Variants in RAD50 observed in about 807,000 individuals in gnomAD.
RAD50 encodes RAD50 double strand break repair protein, also known as DNA repair protein RAD50.
RAD50 carries 132 observed loss-of-function variants against 168.8 expected under a neutral mutation model. The observed-to-expected ratio is 0.78, with a 90% CI of 0.68 to 0.90. The LOEUF is 0.90. Ranked by LOEUF, RAD50 falls within the 40% of genes least tolerant of loss-of-function variation. The probability of loss-of-function intolerance (pLI) is 0.00; values close to 1 mark genes in which losing one functional copy is unlikely to be tolerated. For synonymous variants in RAD50, 525 were observed against 497.4 expected (o/e 1.06, Z -0.74); for missense variants, 1,347 against 1,534.4 (o/e 0.88, Z 2.04).
In RAD50 at chr5:132,589,802, A is replaced by G. The variant is rs1217523555; in HGVS notation, c.1417A>G (p.Arg473Gly). 2 of 1,613,666 alleles carry G rather than the reference A, an allele frequency of 1.2e-6. No homozygotes were observed. Among genetic ancestry groups the G allele is most frequent in the Admixed American group, 1.7e-5 (1 of 60,020 alleles). The change falls in exon 9 of 25, where the codon AGG becomes GGG. Residue 473 changes from arginine (R) to glycine (G), a missense_variant. Arg to Gly is a moderately radical substitution (Grantham distance 125). Coordinates refer to ENST00000378823, the MANE Select transcript of RAD50 (RefSeq NM_005732.4). The part of the protein sequence containing the change: ...ELQQLEGSSD[R>G]ILELDQELIK... ...ACAGCAGTTGGAAGGATCTTCAGAC[A>G]GGATTCTTGAACTGGACCAGGAGCT...
At chr5:132,598,050 CCTT>C (rs1226960779) in intron 13 of RAD50, among the ~76,000 whole-genome samples, 1 of 145,280 alleles carries the variant, frequency 6.9e-6, no homozygotes, top group Non-Finnish European at 1.5e-5. Flanking sequence ...TATCACGGCT[CCTT>C]TTTTTTTTTT....
At chr5:132,560,427 T>G (rs1418071679) in intron 2 of RAD50, among the ~76,000 whole-genome samples, 1 of 152,174 alleles carries the variant, frequency 6.6e-6, no homozygotes, top group African/African-American at 2.4e-5. Context: ...AGAAATGTAA[T>G]AGTATTTAGT....
chr5:132,600,728 C>A (rs767731823), intron 13 of RAD50, among the ~76,000 whole-genome samples: 14 of 151,862 alleles, frequency 9.2e-5, no homozygotes, highest in Non-Finnish European at 1.9e-4. Context: ...ACACACAATC[C>A]CCTTAGAAAA....
rs1240943741 is a variant in RAD50, at chr5:132,642,962, A to AAGTC, written c.*602_*605dup. The AAGTC allele has an allele frequency of 2.0e-6, 1 of 510,060 alleles. No individual in the cohort carries two copies. Among genetic ancestry groups the AAGTC allele is most frequent in the Non-Finnish European group, 4.0e-6 (1 of 249,520 alleles). 31.6% of individuals were successfully genotyped at this position (510,060 alleles called of 1,614,324 possible). A position where few individuals can be genotyped will look rare whatever the true frequency, so the allele number is the denominator to read the frequency against. On this transcript the variant is annotated 3_prime_UTR_variant, in exon 25 of 25. Coordinates refer to ENST00000378823, the MANE Select transcript of RAD50 (RefSeq NM_005732.4). The stretch of plus-strand genomic sequence containing the variant: ...TGACAGGAACCTTAAGTAATCATCT[A>AAGTC]AGTCAGTACCCACCACCTTCTTCTC...
intron 9 of RAD50, 58 bp from the exon 10 acceptor site, chr5:132,591,166 A>T (rs1184059020): frequency 6.7e-7 from 1 of 1,490,876 alleles, no homozygotes; most frequent in East Asian, 2.3e-5. Flanking sequence ...CTTTGTCATT[A>T]TTTTAATTCT....
rs1395422701 is a variant in RAD50, at chr5:132,609,382, A to G, written c.3022A>G (p.Ile1008Val). The G allele has an allele frequency of 1.2e-6, 2 of 1,613,730 alleles. No homozygotes were observed. Among genetic ancestry groups the G allele is most frequent in the Admixed American group, 1.7e-5 (1 of 60,012 alleles). The stretch of plus-strand genomic sequence containing the variant: ...AGATATGAGACTCATGAGACAAGAT[A>G]TTGATACACAGAAGGTAGGTCTGTT... ...NEDMRLMRQD[I>V]DTQKIQERWL... is the part of the protein sequence containing the mutation. Residue 1008 changes from isoleucine (I) to valine (V), a missense_variant, in exon 19 of 25, where the codon ATT becomes GTT. Ile to Val is a conservative substitution (Grantham distance 29, BLOSUM62 3). Around this residue, in one of 3 missense-constraint regions of RAD50, gnomAD observed 635 missense variants for 739.2 expected, o/e 0.86. Transcript: ENST00000378823.
At position 132,557,149 on chromosome 5, in the gene RAD50, CCT is replaced by C; in HGVS notation, c.-170_-169del. 1 of 872,384 alleles carries C rather than the reference CCT, an allele frequency of 1.1e-6. No homozygotes were observed. Among genetic ancestry groups the C allele is most frequent in the Non-Finnish European group, 1.8e-6 (1 of 548,844 alleles). The allele number at this position is 872,384 out of a possible 1,614,324, so 54.0% of individuals were successfully genotyped here. On this transcript the variant is annotated 5_prime_UTR_variant, in exon 1 of 25. Coordinates refer to ENST00000378823, the MANE Select transcript of RAD50 (RefSeq NM_005732.4). ...GGAGGAAAGGCTCCATCCCCCGCCC[CCT>C]CTCTCCCGCTGTTGGCTGGCAGGAT... is the stretch of plus-strand genomic sequence containing the variant.
intron 21 of RAD50, among the ~76,000 whole-genome samples, chr5:132,626,995 C>T (rs142255732): frequency 6.7e-4 from 102 of 152,230 alleles, no homozygotes; most frequent in African/African-American, 2.3e-3. Context: ...ATTCTCATGC[C>T]TCAGCCTTCT....
At position 132,609,383 on chromosome 5, in the gene RAD50, T is replaced by C. The variant is rs1333538778; in HGVS notation, c.3023T>C (p.Ile1008Thr). Residue 1008 changes from isoleucine (I) to threonine (T), a missense_variant, in exon 19 of 25, where the codon ATT becomes ACT. This residue lies in a region of RAD50 where 635 missense variants were observed against 739.2 expected (regional missense o/e 0.86). Coordinates refer to ENST00000378823, the MANE Select transcript of RAD50 (RefSeq NM_005732.4). ...GATATGAGACTCATGAGACAAGATA[T>C]TGATACACAGAAGGTAGGTCTGTTT... The part of the protein sequence containing the change: ...NEDMRLMRQD[I>T]DTQKIQERWL... The C allele has an allele frequency of 2.5e-6, 4 of 1,613,678 alleles. No homozygotes were observed. Among genetic ancestry groups the C allele is most frequent in the Non-Finnish European group, 2.5e-6 (3 of 1,179,824 alleles).
In RAD50 at chr5:132,642,168, A is replaced by G. The variant is rs759837235; in HGVS notation, c.3753-10A>G. ...TTTACTAATAATATGTTCTGAATAT[A>G]TTGTTGCAGGATAATAAAAAGTCGC... On this transcript the variant is annotated splice_polypyrimidine_tract_variant and intron_variant, in intron 24 of 24. Coordinates refer to ENST00000378823, the MANE Select transcript of RAD50 (RefSeq NM_005732.4). 4.3e-6 allele frequency: 7 copies of G among 1,611,646 alleles called. No individual in the cohort carries two copies. The African/African-American group carries it at 9.3e-5, about 22-fold the overall frequency.
intron 21 of RAD50, among the ~76,000 whole-genome samples, chr5:132,619,885 T>TAGAG (rs1156724146): frequency 1.0e-3 from 122 of 121,214 alleles, no homozygotes; most frequent in African/African-American, 4.1e-3. Flanking sequence ...TATATATATA[T>TAGAG]AGAGAGAGAG....
At chr5:132,622,135 C>G (rs530901427) in intron 21 of RAD50, among the ~76,000 whole-genome samples, 1 of 151,428 alleles carries the variant, frequency 6.6e-6, no homozygotes, top group South Asian at 2.1e-4. Context: ...CTATTTTGTT[C>G]TTTTTCAGAA....
chr5:132,629,156 TC>T lies in RAD50; in HGVS notation c.3390-7956del, dbSNP rs1246299944. The stretch of plus-strand genomic sequence containing the variant: ...AACCAGTGGCAGCAGGAATAAGAAT[TC>T]CCTTCACTTCCAAGATTAGGCTATA... On this transcript the variant is annotated intron_variant, in intron 21 of 24. Coordinates refer to ENST00000378823, the MANE Select transcript of RAD50 (RefSeq NM_005732.4). Among the ~76,000 whole-genome samples the T allele has an allele frequency of 1.3e-5, 2 of 152,026 alleles. 1 individual carries two copies. Among genetic ancestry groups the T allele is most frequent in the Non-Finnish European group, 2.9e-5 (2 of 67,972 alleles).
rs776544527 is a variant in RAD50, at chr5:132,588,134, A to T, written c.1051+45A>T. On this transcript the variant is annotated intron_variant, in intron 7 of 24. Transcript: ENST00000378823. ...TGGTCGTTTTTCCTACTATGATGTT[A>T]TACATTTTCTGTATGAATGAAGAAT... The T allele has an allele frequency of 1.9e-6, 3 of 1,562,878 alleles. No individual in the cohort carries two copies. The South Asian group carries it at 3.4e-5, about 17-fold the overall frequency.
At chr5:132,617,294 T>C (rs1751195865) in intron 20 of RAD50, among the ~76,000 whole-genome samples, 1 of 152,218 alleles carries the variant, frequency 6.6e-6, no homozygotes, top group Non-Finnish European at 1.5e-5. Flanking sequence ...ACAGTACTTT[T>C]TACATTCATT....
Position 132,588,001 on chromosome 5 carries a change from AT to A in RAD50, c.965del (p.Leu322TrpfsTer2), listed in dbSNP as rs786203403. 1 of 1,611,726 alleles carries A rather than the reference AT, an allele frequency of 6.2e-7. No homozygotes were observed. The highest frequency in any genetic ancestry group is 8.5e-7 in the Non-Finnish European group (1 of 1,177,980). ...QRTVREKERK[L>X]VDCHRELEKL... is the part of the protein sequence containing the mutation. The stretch of plus-strand genomic sequence containing the variant: ...GAACAGTAAGGGAGAAAGAAAGGAA[AT>A]TGGTAGACTGTCATCGTGAACTGGA... On this transcript the variant is annotated frameshift_variant, in exon 7 of 25. Transcript: ENST00000378823. LOFTEE classifies it high-confidence loss of function.
chr5:132,587,592 T>C lies in RAD50; in HGVS notation c.787T>C (p.Ser263Pro), dbSNP rs1750614814. Residue 263 changes from serine (S) to proline (P), a missense_variant, in exon 6 of 25, where the codon TCT becomes CCT. Ser to Pro is a moderately conservative substitution (Grantham distance 74, BLOSUM62 -1). Coordinates refer to ENST00000378823, the MANE Select transcript of RAD50 (RefSeq NM_005732.4). ...NRLKEIEHNL[S>P]KIMKLDNEIK... ...TCTAAAAGAAATTGAACATAATCTC[T>C]CTAAAATAATGAAACTTGACAATGA... The C allele has an allele frequency of 6.2e-7, 1 of 1,613,388 alleles. No homozygotes were observed. The highest frequency in any genetic ancestry group is 8.5e-7 in the Non-Finnish European group (1 of 1,179,782).
At position 132,643,715 on chromosome 5, in the gene RAD50, G is replaced by T. The variant is rs1751788337; in HGVS notation, c.*1351G>T. 1 of 219,618 alleles carries T rather than the reference G, an allele frequency of 4.6e-6. No individual in the cohort carries two copies. Among genetic ancestry groups the T allele is most frequent in the East Asian group, 6.3e-5 (1 of 15,942 alleles). 13.6% of individuals were successfully genotyped at this position (219,618 alleles called of 1,614,324 possible). On this transcript the variant is annotated 3_prime_UTR_variant, in exon 25 of 25. Transcript: ENST00000378823. ...CCTTAAGACAGAGTATCCTGGGGGT[G>T]GTGGTGGGGTGGGGGGGGGTCCTAA...
At chr5:132,628,207 T>C (rs1751401120) in intron 21 of RAD50, among the ~76,000 whole-genome samples, 1 of 152,102 alleles carries the variant, frequency 6.6e-6, no homozygotes, top group Non-Finnish European at 1.5e-5. Context: ...AGGTGTACAC[T>C]GGGGAGTCAT....
Sources: allele counts gnomAD v4.1 joint callset (sites outside exome capture counted in the v4.1 genomes callset), GRCh38; gene constraint gnomAD v4.1.1; regional missense constraint gnomAD v4.1.1; transcripts MANE v1.5; gene names NCBI Gene and HGNC (gene_info 2026-07-23, HGNC 2026-07-21).